CRACR2A: variants seen among roughly 807,000 people sequenced by gnomAD.
CRACR2A encodes calcium release activated channel regulator 2A.
CRACR2A carries 79 observed loss-of-function variants against 90.5 expected under a neutral mutation model. The ratio of observed to expected loss-of-function variants is 0.87; its 90% CI spans 0.73 to 1.05. The LOEUF is 1.05. CRACR2A is among the 50% of genes least tolerant of loss of function. CRACR2A has a pLI of 0.00. For synonymous variants in CRACR2A, 338 were observed against 356.7 expected (o/e 0.95, Z 0.59); for missense variants, 823 against 897.2 (o/e 0.92, Z 1.06).
intron 1 of CRACR2A, among the ~76,000 whole-genome samples, chr12:3,745,828 A>AATAAAATAAAAT (rs10629185): frequency 9.0e-5 from 13 of 143,900 alleles, no homozygotes; most frequent in Admixed American, 2.1e-4. Flanking sequence ...AATAAAATAA[A>AATAAAATAAAAT]GAAAGAAAAG....
intron 4 of CRACR2A, among the ~76,000 whole-genome samples, chr12:3,695,213 G>A (rs1280509674): frequency 6.6e-6 from 1 of 152,168 alleles, no homozygotes; most frequent in Non-Finnish European, 1.5e-5. Flanking sequence ...AGTTAAGCCT[G>A]ATTTTGAAAC....
intron 9 of CRACR2A, among the ~76,000 whole-genome samples, chr12:3,655,223 T>G (rs1268295681): frequency 6.6e-6 from 1 of 152,100 alleles, no homozygotes; most frequent in Non-Finnish European, 1.5e-5. Context: ...TTAAATCGAG[T>G]GGCAATCATT....
At chr12:3,727,016 CG>C (rs1946278315) in intron 2 of CRACR2A, 1 of 151,896 alleles carries the variant, frequency 6.6e-6, no homozygotes, top group Admixed American at 6.6e-5. Flanking sequence ...ATTAGCCGGG[CG>C]TGGTGGCACA....
chr12:3,725,588 C>T (rs74055992), intron 2 of CRACR2A, among the ~76,000 whole-genome samples: 1,590 of 152,248 alleles, frequency 0.01, 33 homozygotes, highest in African/African-American at 0.036. Flanking sequence ...TCATATTCAC[C>T]AGTTCTGGCA....
At chr12:3,650,642 C>T (rs563145658) in intron 10 of CRACR2A, among the ~76,000 whole-genome samples, 143 of 152,314 alleles carry the variant, frequency 9.4e-4, no homozygotes, top group African/African-American at 3.1e-3. Context: ...CCCCACCCCA[C>T]CCTGTGTCCT....
chr12:3,664,469 G>A (rs767564617), intron 7 of CRACR2A, among the ~76,000 whole-genome samples: 1 of 151,872 alleles, frequency 6.6e-6, no homozygotes, highest in East Asian at 1.9e-4. Context: ...TTTTCTAAAA[G>A]CTTCTGCCTT....
At chr12:3,615,472 G>A in intron 19 of CRACR2A, 33 bp from the exon 20 acceptor site, 1 of 1,528,958 alleles carries the variant, frequency 6.5e-7, no homozygotes, top group Non-Finnish European at 8.8e-7. Flanking sequence ...GTCAGTGATG[G>A]AGAAGTTGAT....
intron 2 of CRACR2A, among the ~76,000 whole-genome samples, chr12:3,720,619 C>T (rs922513690): frequency 6.6e-6 from 1 of 152,186 alleles, no homozygotes; most frequent in Non-Finnish European, 1.5e-5. Flanking sequence ...CTCTGCTTTG[C>T]ATTGACCTGT....
In CRACR2A at chr12:3,638,158, C is replaced by CG. The variant is rs760934861; in HGVS notation, c.1567dup (p.Arg523ProfsTer12). On this transcript the variant is annotated frameshift_variant, in exon 14 of 20. Transcript: ENST00000440314. LOFTEE classifies it high-confidence loss of function. ...GGCTTCTTTTCCAACAGGCTGCCCTCGGGGGGATGTGGGGGTGAGTTTCAA... is the reference window on the plus strand; with the variant it reads ...GGCTTCTTTTCCAACAGGCTGCCCTCGGGGGGGATGTGGGGGTGAGTTTCAA... The CG allele has an allele frequency of 6.3e-5, 97 of 1,549,346 alleles. No homozygotes were observed. Among genetic ancestry groups the CG allele is most frequent in the Non-Finnish European group, 8.0e-5 (92 of 1,145,222 alleles).
chr12:3,659,602 G>C lies in CRACR2A; in HGVS notation c.724C>G (p.Gln242Glu), dbSNP rs1944988597. ...TGCTCCTTCTCACTTTTGATTTGTTGTTCCATCTCCTCATAGAGATGCTGG... is the reference window on the plus strand; with the variant it reads ...TGCTCCTTCTCACTTTTGATTTGTTCTTCCATCTCCTCATAGAGATGCTGG... ...EIQHLYEEME[Q>E]QIKSEKEQFL... Residue 242 changes from glutamine (Q) to glutamate (E), a missense_variant, in exon 8 of 20, where the codon CAA (glutamine) becomes GAA (glutamate). Coordinates refer to ENST00000440314, the MANE Select transcript of CRACR2A (RefSeq NM_001144958.2). The C allele has an allele frequency of 2.5e-6, 4 of 1,614,006 alleles. No individual in the cohort carries two copies. The highest frequency in any genetic ancestry group is 2.2e-5 in the South Asian group (2 of 91,080).
chr12:3,684,846 G>A (rs1945524666), intron 4 of CRACR2A, among the ~76,000 whole-genome samples: 1 of 152,240 alleles, frequency 6.6e-6, no homozygotes, highest in Non-Finnish European at 1.5e-5. Context: ...CAGACTGCGG[G>A]GAGCCAGGAC....
chr12:3,732,208 T>C (rs1240397016), intron 2 of CRACR2A: 2 of 152,134 alleles, frequency 1.3e-5, no homozygotes, highest in African/African-American at 2.4e-5. Context: ...ATGCATCAAA[T>C]AGTCAACCAA....
intron 1 of CRACR2A, among the ~76,000 whole-genome samples, chr12:3,737,815 C>T (rs1946468925): frequency 6.6e-6 from 1 of 152,218 alleles, no homozygotes; most frequent in Admixed American, 6.5e-5. Context: ...AATTCCAAGG[C>T]ATCAAGTCCT....
chr12:3,648,741 C>T (rs1944739828), intron 10 of CRACR2A, 128 bp from the exon 11 acceptor site: 7 of 1,327,820 alleles, frequency 5.3e-6, no homozygotes, highest in Admixed American at 2.5e-5. Context: ...GTGGCCTCCT[C>T]CTGGAGAGCT....
intron 3 of CRACR2A, among the ~76,000 whole-genome samples, chr12:3,704,484 T>G (rs1945884556): frequency 6.6e-6 from 1 of 152,208 alleles, no homozygotes; most frequent in South Asian, 2.1e-4. Context: ...TTTCCTGGAC[T>G]TATTTATTCA....
chr12:3,676,780 C>A (rs938191594), intron 6 of CRACR2A, among the ~76,000 whole-genome samples: 1 of 152,104 alleles, frequency 6.6e-6, no homozygotes, highest in South Asian at 2.1e-4. Flanking sequence ...GACTGAGACA[C>A]GCCACCATGA....
intron 2 of CRACR2A, among the ~76,000 whole-genome samples, chr12:3,719,404 A>G (rs1156614193): frequency 6.6e-6 from 1 of 152,122 alleles, no homozygotes; most frequent in Non-Finnish European, 1.5e-5. Flanking sequence ...ATTTCTTTCT[A>G]ATGGTGTGCA....
At chr12:3,743,009 C>T (rs558739071) in intron 1 of CRACR2A, among the ~76,000 whole-genome samples, 13 of 152,316 alleles carry the variant, frequency 8.5e-5, no homozygotes, top group African/African-American at 2.9e-4. Context: ...ACATATTAAT[C>T]CATTTTGTTT....
intron 3 of CRACR2A, among the ~76,000 whole-genome samples, chr12:3,698,271 A>G (rs534505963): frequency 2.0e-5 from 3 of 152,310 alleles, no homozygotes; most frequent in South Asian, 4.1e-4. Context: ...AGAGATATGC[A>G]CTGTCATGCA....
Sources: gnomAD v4.1 joint callset for allele counts (sites outside exome capture counted in the v4.1 genomes callset) on GRCh38, gnomAD v4.1.1 for gene constraint, MANE v1.5 for transcripts, NCBI Gene and HGNC (gene_info 2026-07-23, HGNC 2026-07-21) for gene names.